Variants in VKORC1L1 observed in about 807,000 individuals in gnomAD.
VKORC1L1 encodes vitamin K epoxide reductase complex subunit 1L1.
A neutral mutation model predicts 18.9 loss-of-function variants in VKORC1L1; 2 were observed. The observed-to-expected ratio is 0.11, with a 90% CI of 0.04 to 0.33. The LOEUF (loss-of-function observed/expected upper bound fraction) is 0.33. Ranked by LOEUF, VKORC1L1 falls within the 10% of genes least tolerant of loss-of-function variation. The pLI is 1.00. For missense variants in VKORC1L1, 123 were observed against 224.1 expected (o/e 0.55, Z 2.88); for synonymous variants, 96 against 100.0 (o/e 0.96, Z 0.24).
chr7:65,947,503 G>T (rs1346406326), intron 1 of VKORC1L1, among the ~76,000 whole-genome samples: 1 of 149,268 alleles, frequency 6.7e-6, no homozygotes, highest in Non-Finnish European at 1.5e-5. Context: ...CAAAATGAAT[G>T]TTTGATATTT....
chr7:65,881,954 C>G (rs1788935295), intron 1 of VKORC1L1, among the ~76,000 whole-genome samples: 2 of 151,862 alleles, frequency 1.3e-5, no homozygotes, highest in African/African-American at 4.8e-5. Flanking sequence ...GTAGTGGGTG[C>G]CTGTAGTCTG....
chr7:65,898,375 C>T (rs369944425), intron 1 of VKORC1L1, among the ~76,000 whole-genome samples: 9 of 152,026 alleles, frequency 5.9e-5, no homozygotes, highest in African/African-American at 2.2e-4. Flanking sequence ...TGAGCCACTA[C>T]GCCCGGCCAG....
At chr7:65,870,683 A>G (rs1269545179), upstream of VKORC1L1, among the ~76,000 whole-genome samples, 1 of 152,214 alleles carries the variant, frequency 6.6e-6, no homozygotes, top group Non-Finnish European at 1.5e-5. Context: ...GATGATCAAG[A>G]GATCTCATCA....
upstream of VKORC1L1, among the ~76,000 whole-genome samples, chr7:65,872,376 G>A (rs992708718): frequency 4.0e-5 from 6 of 151,272 alleles, no homozygotes; most frequent in African/African-American, 1.5e-4. Context: ...GCAGTGGCAC[G>A]ATCTTGGCTC....
At position 65,948,607 on chromosome 7, in the gene VKORC1L1, A is replaced by AT. The variant is rs2115736169; in HGVS notation, c.195-64_195-63insT. 8.5e-6 allele frequency: 5 copies of AT among 589,638 alleles called. No individual in the cohort carries two copies. The East Asian group carries it at 1.3e-4, about 15-fold the overall frequency. The allele number at this position is 589,638 out of a possible 1,614,324, so 36.5% of individuals were successfully genotyped here. A position where few individuals can be genotyped will look rare whatever the true frequency, so the allele number is the denominator to read the frequency against. ...TTAGAATTGGATAACGTTCTCAAAT[A>AT]ATGATACATTTTTTAAAATAGGGAA... On this transcript the variant is annotated intron_variant, in intron 1 of 2. Transcript: ENST00000360768.
At chr7:65,906,202 A>G (rs1789403295) in intron 1 of VKORC1L1, among the ~76,000 whole-genome samples, 1 of 151,768 alleles carries the variant, frequency 6.6e-6, no homozygotes. Flanking sequence ...TGGGAGGCCA[A>G]GGTGGGCGGA....
At chr7:65,878,248 C>T (rs768396137) in intron 1 of VKORC1L1, among the ~76,000 whole-genome samples, 1 of 151,434 alleles carries the variant, frequency 6.6e-6, no homozygotes, top group Non-Finnish European at 1.5e-5. Context: ...GAGTTTGAGA[C>T]CAGCCTGGCC....
chr7:65,939,944 G>A (rs562147665), intron 1 of VKORC1L1, among the ~76,000 whole-genome samples: 31 of 152,170 alleles, frequency 2.0e-4, no homozygotes, highest in Admixed American at 2.0e-3. Context: ...CCATGCTGTT[G>A]ATTGCCAAAT....
intron 1 of VKORC1L1, among the ~76,000 whole-genome samples, chr7:65,943,300 T>C (rs574348878): frequency 3.9e-4 from 59 of 152,274 alleles, no homozygotes; most frequent in African/African-American, 1.4e-3. Context: ...AATTTGTGGG[T>C]AAATATTGAG....
chr7:65,948,112 T>C (rs1679142171), intron 1 of VKORC1L1, among the ~76,000 whole-genome samples: 1 of 152,218 alleles, frequency 6.6e-6, no homozygotes, highest in Non-Finnish European at 1.5e-5. Flanking sequence ...TTCTATGGTT[T>C]TCAACTGGGG....
intron 1 of VKORC1L1, among the ~76,000 whole-genome samples, chr7:65,914,654 CCTATATTG>C (rs1162592382): frequency 6.6e-6 from 1 of 152,088 alleles, no homozygotes; most frequent in East Asian, 1.9e-4. Context: ...CTTTTCCACC[CCTATATTG>C]TTTTATTATT....
chr7:65,868,270 C>T (rs1425083140), upstream of VKORC1L1, among the ~76,000 whole-genome samples: 2 of 151,868 alleles, frequency 1.3e-5, no homozygotes, highest in Admixed American at 1.3e-4. Context: ...GCCTCGGCAA[C>T]ATAATGAGAC....
chr7:65,948,930 G>A (rs1790165645), intron 2 of VKORC1L1, 150 bp downstream of exon 2: 3 of 988,536 alleles, frequency 3.0e-6, no homozygotes, highest in East Asian at 2.8e-5. Context: ...TTGATTCACT[G>A]AGATTTTTAT....
intron 1 of VKORC1L1, among the ~76,000 whole-genome samples, chr7:65,881,188 A>G (rs1226886275): frequency 1.3e-5 from 2 of 152,208 alleles, no homozygotes; most frequent in Non-Finnish European, 2.9e-5. Context: ...CAAAATTTGT[A>G]TCTCAGAATC....
chr7:65,924,465 G>A (rs1437775359), intron 1 of VKORC1L1, among the ~76,000 whole-genome samples: 2 of 152,188 alleles, frequency 1.3e-5, no homozygotes, highest in African/African-American at 2.4e-5. Context: ...TAGGCTTCAC[G>A]GGCCATAGGA....
Position 65,936,916 on chromosome 7 carries a change from T to C in VKORC1L1, c.195-11755T>C, listed in dbSNP as rs375336800. On this transcript the variant is annotated intron_variant, in intron 1 of 2. Transcript: ENST00000360768. The stretch of plus-strand genomic sequence containing the variant: ...AACAACAGGATTCCTTTTACATGCT[T>C]ACAGCCACAGAGACCCCTTCTCTCA... 5.3e-4 allele frequency among the ~76,000 whole-genome samples: 80 copies of C among 152,288 alleles called. 1 individual carries two copies. The highest frequency in any genetic ancestry group is 1.9e-3 in the African/African-American group (80 of 41,562).
intron 1 of VKORC1L1, among the ~76,000 whole-genome samples, chr7:65,933,376 T>A (rs1012328606): frequency 6.6e-6 from 1 of 152,220 alleles, no homozygotes; most frequent in Non-Finnish European, 1.5e-5. Flanking sequence ...TACCGTTATA[T>A]GTCTCTTTCT....
chr7:65,884,241 C>T (rs1218106760), intron 1 of VKORC1L1, among the ~76,000 whole-genome samples: 1 of 152,152 alleles, frequency 6.6e-6, no homozygotes, highest in African/African-American at 2.4e-5. Context: ...TGTACCAGTA[C>T]ATGTAAATAG....
intron 1 of VKORC1L1, among the ~76,000 whole-genome samples, chr7:65,894,192 C>A (rs111727929): frequency 2.0e-5 from 3 of 151,484 alleles, no homozygotes; most frequent in African/African-American, 7.3e-5. Context: ...TGACCTCAGG[C>A]GATCCACCTG....
Sources: allele counts gnomAD v4.1 joint callset (sites outside exome capture counted in the v4.1 genomes callset), GRCh38; gene constraint gnomAD v4.1.1; transcripts MANE v1.5; gene names NCBI Gene and HGNC (gene_info 2026-07-23, HGNC 2026-07-21).